Variants in ATF6 observed in about 807,000 individuals in gnomAD.
ATF6 encodes cyclic AMP-dependent transcription factor ATF-6 alpha.
Under a neutral mutation model 83.6 loss-of-function variants are expected in ATF6, and 53 were observed. The observed-to-expected ratio is 0.63, with a 90% confidence interval of 0.51 to 0.80. The LOEUF (loss-of-function observed/expected upper bound fraction) is 0.80, where lower values mean the gene tolerates loss of function less well. ATF6 is among the 30% of genes least tolerant of loss of function. ATF6 has a pLI of 0.00. For synonymous variants in ATF6, 288 were observed against 285.8 expected, an observed-to-expected ratio of 1.01 and a Z score of -0.08; for missense variants, 744 against 797.9, an observed-to-expected ratio of 0.93 and a Z score of 0.81.
intron 1 of ATF6, among the ~76,000 whole-genome samples, chr1:161,767,970 C>G (rs541369592): frequency 6.6e-6 from 1 of 152,310 alleles, no homozygotes; most frequent in Admixed American, 6.5e-5. Context: ...ATTCTCCTGC[C>G]TCAGCCTCCC....
chr1:161,940,151 T>C (rs1249670141), intron 15 of ATF6, among the ~76,000 whole-genome samples: 1 of 152,218 alleles, frequency 6.6e-6, no homozygotes, highest in African/African-American at 2.4e-5. Context: ...CAGTCTTGAT[T>C]CCTTGCCTTC....
intron 12 of ATF6, 67 bp from the exon 13 acceptor site, chr1:161,860,140 C>A: frequency 2.9e-6 from 3 of 1,044,556 alleles, no homozygotes; most frequent in Admixed American, 2.4e-5. Context: ...TAGAATGAAC[C>A]AGTATAGGAA....
At chr1:161,913,754 C>G (rs1250345979) in intron 15 of ATF6, among the ~76,000 whole-genome samples, 1 of 152,172 alleles carries the variant, frequency 6.6e-6, no homozygotes, top group Non-Finnish European at 1.5e-5. Flanking sequence ...CTCACTTATA[C>G]TCAATCTATA....
At chr1:161,893,296 A>T (rs12034541) in intron 14 of ATF6, among the ~76,000 whole-genome samples, 18,025 of 151,600 alleles carry the variant, frequency 0.12, 1,623 homozygotes, top group East Asian at 0.32. Context: ...CCTCCCAAGT[A>T]GCTGGGATTA....
chr1:161,928,517 C>T (rs1409770985), intron 15 of ATF6, among the ~76,000 whole-genome samples: 1 of 152,002 alleles, frequency 6.6e-6, no homozygotes, highest in Non-Finnish European at 1.5e-5. Flanking sequence ...CTTAAGTTTA[C>T]CTAATTAAAG....
At chr1:161,887,247 CTT>C (rs5778239) in intron 14 of ATF6, among the ~76,000 whole-genome samples, 4 of 143,764 alleles carry the variant, frequency 2.8e-5, no homozygotes, top group Admixed American at 6.9e-5. Context: ...AATTTTTGTG[CTT>C]TTTTTTTTTT....
intron 15 of ATF6, among the ~76,000 whole-genome samples, chr1:161,958,227 G>A (rs1571264051): frequency 2.6e-5 from 4 of 152,276 alleles, no homozygotes. Flanking sequence ...TTTAGTCAAT[G>A]GAGGTTGTTT....
At chr1:161,852,704 C>G (rs557212754) in intron 11 of ATF6, among the ~76,000 whole-genome samples, 2 of 152,262 alleles carry the variant, frequency 1.3e-5, no homozygotes, top group Non-Finnish European at 2.9e-5. Context: ...CCCCAAACTC[C>G]CAGGCTCAAG....
chr1:161,884,605 G>A (rs1219925060), intron 14 of ATF6, among the ~76,000 whole-genome samples: 1 of 151,824 alleles, frequency 6.6e-6, no homozygotes, highest in Admixed American at 6.6e-5. Flanking sequence ...TTAGTCCAGC[G>A]AGATATTTAC....
chr1:161,888,220 C>G (rs1687470368), intron 14 of ATF6, among the ~76,000 whole-genome samples: 1 of 152,112 alleles, frequency 6.6e-6, no homozygotes, highest in African/African-American at 2.4e-5. Context: ...TTGAAAGAAA[C>G]TTCCCTGCTT....
intron 15 of ATF6, among the ~76,000 whole-genome samples, chr1:161,952,118 G>A (rs1298017220): frequency 6.6e-6 from 1 of 151,940 alleles, no homozygotes; most frequent in Non-Finnish European, 1.5e-5. Context: ...CTTAACACAG[G>A]TGTTCCCAGC....
chr1:161,778,167 C>T, intron 1 of ATF6, 77 bp from the exon 2 acceptor site: 2 of 1,163,908 alleles, frequency 1.7e-6, no homozygotes, highest in Non-Finnish European at 2.5e-6. Context: ...ATAGAGGTGA[C>T]ATAGGGACAC....
chr1:161,869,420 CCTT>C (rs1360818009), intron 14 of ATF6, among the ~76,000 whole-genome samples: 4 of 151,794 alleles, frequency 2.6e-5, no homozygotes, highest in Admixed American at 2.0e-4. Flanking sequence ...GGGTACAGCT[CCTT>C]CTTTTGTTTC....
At chr1:161,854,649 A>G (rs1195200862) in intron 12 of ATF6, among the ~76,000 whole-genome samples, 1 of 152,192 alleles carries the variant, frequency 6.6e-6, no homozygotes, top group Admixed American at 6.5e-5. Context: ...AGGCTGGTGG[A>G]TCACGAGGTC....
chr1:161,785,257 G>A (rs966145809), intron 4 of ATF6, among the ~76,000 whole-genome samples: 5 of 152,090 alleles, frequency 3.3e-5, no homozygotes, highest in African/African-American at 1.2e-4. Flanking sequence ...GCCTAGAATA[G>A]CCCCATTTTT....
chr1:161,925,745 T>C (rs768321893), intron 15 of ATF6, among the ~76,000 whole-genome samples: 45 of 152,298 alleles, frequency 3.0e-4, no homozygotes, highest in Non-Finnish European at 5.4e-4. Flanking sequence ...GAATTAAATA[T>C]ATGAAGTATC....
rs1217601588 is a variant in ATF6, at chr1:161,961,719, C to T, written c.*3065C>T. On this transcript the variant is annotated 3_prime_UTR_variant, in exon 16 of 16. Coordinates refer to ENST00000367942, the MANE Select transcript of ATF6 (RefSeq NM_007348.4). ...GATAAACTCATGGAGGAGGCAGGTC[C>T]TCCTGTTATTAGATGATTTTGTGCT... The T allele has an allele frequency of 6.6e-6, 1 of 151,964 alleles. No individual in the cohort carries two copies. Among genetic ancestry groups the T allele is most frequent in the African/African-American group, 2.4e-5 (1 of 41,354 alleles). The allele number at this position is 151,964 out of a possible 1,614,324, so 9.4% of individuals were successfully genotyped here. A position where few individuals can be genotyped will look rare whatever the true frequency, so the allele number is the denominator to read the frequency against.
At chr1:161,768,305 C>T in intron 1 of ATF6, among the ~76,000 whole-genome samples, 1 of 152,190 alleles carries the variant, frequency 6.6e-6, no homozygotes, top group East Asian at 1.9e-4. Flanking sequence ...AGTCAGTTCA[C>T]CGACTCACTT....
intron 9 of ATF6, among the ~76,000 whole-genome samples, chr1:161,826,810 A>C (rs1351955580): frequency 1.3e-5 from 2 of 152,228 alleles, no homozygotes; most frequent in African/African-American, 2.4e-5. Flanking sequence ...ATGAACAGTG[A>C]AATATTAAAG....
Sources: gnomAD v4.1 joint callset for allele counts (sites outside exome capture counted in the v4.1 genomes callset) on GRCh38, gnomAD v4.1.1 for gene constraint, MANE v1.5 for transcripts, NCBI Gene and HGNC (gene_info 2026-07-23, HGNC 2026-07-21) for gene names.